GRM8: variants seen among roughly 807,000 people sequenced by gnomAD.
GRM8 encodes the protein glutamate metabotropic receptor 8.
A neutral mutation model predicts 87.2 loss-of-function variants in GRM8; 47 were observed. The observed-to-expected ratio is 0.54, with a 90% CI of 0.43 to 0.69. GRM8 has a LOEUF of 0.69. Ranked by LOEUF, GRM8 falls within the 30% of genes least tolerant of loss-of-function variation. GRM8 has a pLI of 0.00. For missense variants in GRM8, 1,019 were observed against 1,139.2 expected, an observed-to-expected ratio of 0.89 and a Z score of 1.52; for synonymous variants, 396 against 404.5, an observed-to-expected ratio of 0.98 and a Z score of 0.25.
At chr7:126,770,872 A>T (rs10258687) in intron 6 of GRM8, among the ~76,000 whole-genome samples, 5,326 of 152,132 alleles carry the variant, frequency 0.035, 344 homozygotes, top group African/African-American at 0.12. Context: ...CATGGGGTAC[A>T]TGGGGTACAT....
intron 2 of GRM8, among the ~76,000 whole-genome samples, chr7:127,172,708 C>CA (rs61607299): frequency 0.025 from 3,253 of 131,012 alleles, 94 homozygotes; most frequent in African/African-American, 0.077. Context: ...GACTCCGTCT[C>CA]AAAAAAAAAA....
chr7:127,063,559 C>G (rs12535920), intron 3 of GRM8, among the ~76,000 whole-genome samples: 53,070 of 151,278 alleles, frequency 0.35, 9,667 homozygotes, highest in Non-Finnish European at 0.41. Context: ...CTGGGTGACA[C>G]AGTAAGACTC....
chr7:126,685,604 T>C lies in GRM8; in HGVS notation c.1358-76106A>G, dbSNP rs188498526. On this transcript the variant is annotated intron_variant, in intron 7 of 10. Transcript: ENST00000339582. This position sits in a 1 kb window ranked among gnomAD's most constrained non-coding sequence, Gnocchi z 4.2. ...AGGTTGGGGCCAAGCCTGAGCACTG[T>C]TGCAGTTTGGCCAGGGGCATATGCT... 2.4e-4 allele frequency among the ~76,000 whole-genome samples: 37 copies of C among 152,218 alleles called. No homozygotes were observed. The highest frequency in any genetic ancestry group is 3.8e-4 in the Non-Finnish European group (26 of 67,982).
intron 9 of GRM8, among the ~76,000 whole-genome samples, chr7:126,483,873 C>T (rs542519462): frequency 1.2e-4 from 18 of 149,510 alleles, no homozygotes; most frequent in Non-Finnish European, 2.4e-4. Context: ...GCATCCCTAT[C>T]CAAAATTTGA....
chr7:126,576,939 TGTGC>T (rs1795168807), intron 8 of GRM8, among the ~76,000 whole-genome samples: 1 of 152,218 alleles, frequency 6.6e-6, no homozygotes, highest in Non-Finnish European at 1.5e-5. Flanking sequence ...AAGCACAGGT[TGTGC>T]AAGCTTTTGA....
intron 3 of GRM8, among the ~76,000 whole-genome samples, chr7:127,021,056 A>G (rs1223929035): frequency 1.3e-5 from 2 of 152,068 alleles, no homozygotes; most frequent in African/African-American, 4.8e-5. Context: ...AAATGCTTAC[A>G]AGGAATAACA....
At chr7:126,692,062 G>A (rs1049827903) in intron 7 of GRM8, among the ~76,000 whole-genome samples, 1 of 152,100 alleles carries the variant, frequency 6.6e-6, no homozygotes. Flanking sequence ...CTGAAGGAGA[G>A]GGAAACATGC....
intron 9 of GRM8, among the ~76,000 whole-genome samples, chr7:126,451,951 A>T (rs953613987): frequency 6.6e-6 from 1 of 151,718 alleles, no homozygotes; most frequent in African/African-American, 2.4e-5. Context: ...TACTCATTTA[A>T]TGTATGTGGT....
chr7:126,629,376 G>A (rs1801020918), intron 7 of GRM8, among the ~76,000 whole-genome samples: 1 of 151,972 alleles, frequency 6.6e-6, no homozygotes, highest in South Asian at 2.1e-4. Flanking sequence ...GTAAAATCAG[G>A]CAGAAAGTCA....
At chr7:126,490,201 A>G (rs1449206878) in intron 9 of GRM8, among the ~76,000 whole-genome samples, 1 of 152,032 alleles carries the variant, frequency 6.6e-6, no homozygotes, top group Non-Finnish European at 1.5e-5. Flanking sequence ...TGGCTAATAC[A>G]TTACCCTTAC....
At chr7:126,469,576 T>G (rs941576499) in intron 9 of GRM8, among the ~76,000 whole-genome samples, 4 of 152,134 alleles carry the variant, frequency 2.6e-5, no homozygotes, top group Non-Finnish European at 4.4e-5. Flanking sequence ...TGAGTTCTCA[T>G]GAGACCTGAT....
At chr7:126,525,423 T>C (rs1260197538) in intron 9 of GRM8, among the ~76,000 whole-genome samples, 1 of 152,190 alleles carries the variant, frequency 6.6e-6, no homozygotes, top group Admixed American at 6.5e-5. Flanking sequence ...CAGAGTTCTT[T>C]CTTTTAACTG....
intron 6 of GRM8, among the ~76,000 whole-genome samples, chr7:126,828,880 C>T (rs1386732552): frequency 1.3e-5 from 2 of 151,786 alleles, no homozygotes; most frequent in African/African-American, 4.8e-5. Context: ...TGAATGTGTC[C>T]CAGAGATTCT....
At chr7:127,240,007 C>G (rs191314520) in intron 2 of GRM8, among the ~76,000 whole-genome samples, 15 of 152,146 alleles carry the variant, frequency 9.9e-5, no homozygotes, top group Non-Finnish European at 4.4e-5. Flanking sequence ...AACAGCACCC[C>G]CTCCTGGCGA....
At chr7:127,067,156 G>A (rs1403506745) in intron 3 of GRM8, among the ~76,000 whole-genome samples, 1 of 152,248 alleles carries the variant, frequency 6.6e-6, no homozygotes, top group African/African-American at 2.4e-5. Context: ...GGGCCCTGTT[G>A]CCCTTCATCT....
chr7:126,850,111 A>G (rs1271777459), intron 6 of GRM8, among the ~76,000 whole-genome samples: 1 of 152,144 alleles, frequency 6.6e-6, no homozygotes, highest in African/African-American at 2.4e-5. Context: ...ATCTACATCA[A>G]TCATAATTTC....
intron 2 of GRM8, among the ~76,000 whole-genome samples, chr7:127,204,033 T>C (rs1795768022): frequency 6.6e-6 from 1 of 152,226 alleles, no homozygotes. Flanking sequence ...AGTCAAAATG[T>C]ATTATAGAAT....
intron 3 of GRM8, among the ~76,000 whole-genome samples, chr7:127,012,899 A>T (rs367975592): frequency 2.0e-5 from 3 of 152,278 alleles, no homozygotes; most frequent in East Asian, 3.9e-4. Context: ...GTGTATTAGC[A>T]TCTTATTGTT....
intron 8 of GRM8, among the ~76,000 whole-genome samples, chr7:126,561,726 T>G (rs1793721197): frequency 6.6e-6 from 1 of 151,542 alleles, no homozygotes; most frequent in African/African-American, 2.4e-5. Context: ...GCTGCACCCA[T>G]TAACTGGTCA....
Sources: gnomAD v4.1 joint callset for allele counts (sites outside exome capture counted in the v4.1 genomes callset) on GRCh38, gnomAD v4.1.1 for gene constraint, Gnocchi (gnomAD v3.1) non-coding constraint, MANE v1.5 for transcripts, NCBI Gene and HGNC (gene_info 2026-07-23, HGNC 2026-07-21) for gene names.